TOP2A: variants seen among roughly 807,000 people sequenced by gnomAD.
TOP2A encodes DNA topoisomerase 2-alpha.
In TOP2A, 68 loss-of-function variants were observed where a neutral mutation model predicts 187.2. The ratio of observed to expected loss-of-function variants is 0.36; its 90% confidence interval spans 0.30 to 0.44. TOP2A has a LOEUF of 0.44. Ranked by LOEUF, TOP2A falls within the 20% of genes least tolerant of loss-of-function variation. The pLI is 1.00. For missense variants in TOP2A, 1,196 were observed against 1,808.7 expected, an observed-to-expected ratio of 0.66 and a Z score of 6.14; for synonymous variants, 542 against 593.2, an observed-to-expected ratio of 0.91 and a Z score of 1.25.
chr17:40,411,886 AG>A lies in TOP2A; in HGVS notation c.790-69del. 7.6e-7 allele frequency: 1 copy of A among 1,320,362 alleles called. No individual in the cohort carries two copies. The highest frequency in any genetic ancestry group is 1.0e-6 in the Non-Finnish European group (1 of 975,368). The allele number at this position is 1,320,362 out of a possible 1,614,324, so 81.8% of individuals were successfully genotyped here. ...AAAATAGGTTCAATGATAGACTATGAGGACTTTCCAAAACCAATGCAATGAT... is the reference window on the plus strand; with the variant it reads ...AAAATAGGTTCAATGATAGACTATGAGACTTTCCAAAACCAATGCAATGAT... On this transcript the variant is annotated intron_variant, in intron 7 of 34. Coordinates refer to ENST00000423485, the MANE Select transcript of TOP2A (RefSeq NM_001067.4). The surrounding 1 kb of genome is among the most constrained non-coding windows in gnomAD (Gnocchi z 4.4).
chr17:40,403,563 A>G (rs2035206462), intron 19 of TOP2A, among the ~76,000 whole-genome samples: 1 of 152,250 alleles, frequency 6.6e-6, no homozygotes. Context: ...TTAAAATTCT[A>G]GAAACCTGTA....
chr17:40,401,373 A>G (rs1235792294), intron 20 of TOP2A, among the ~76,000 whole-genome samples: 1 of 152,116 alleles, frequency 6.6e-6, no homozygotes, highest in African/African-American at 2.4e-5. Context: ...GGTGCTAAGG[A>G]AAGTTAAGCC....
rs1598605616 is a variant in TOP2A at position 40,388,615 on chromosome 17, A to G, written c.*904T>C. Reference sequence around the variant, plus strand: ...GTAAATATTTACAAAAACGTTGATAACATTACTCAAGTCACACACATATAA... The same window carrying G: ...GTAAATATTTACAAAAACGTTGATAGCATTACTCAAGTCACACACATATAA... On this transcript the variant is annotated 3_prime_UTR_variant, in exon 35 of 35. Transcript: ENST00000423485. The G allele has an allele frequency of 5.4e-6, 1 of 185,220 alleles. No homozygotes were observed. Among genetic ancestry groups the G allele is most frequent in the East Asian group, 8.8e-5 (1 of 11,398 alleles). 11.5% of individuals were successfully genotyped at this position (185,220 alleles called of 1,614,324 possible). A position where few individuals can be genotyped will look rare whatever the true frequency, so the allele number is the denominator to read the frequency against.
In TOP2A at chr17:40,389,089, A is replaced by G. The variant is rs1598605826; in HGVS notation, c.*430T>C. 1.3e-5 allele frequency: 3 copies of G among 222,658 alleles called. No homozygotes were observed. The East Asian group carries it at 2.0e-4, about 15-fold the overall frequency. 13.8% of individuals were successfully genotyped at this position (222,658 alleles called of 1,614,324 possible). A position where few individuals can be genotyped will look rare whatever the true frequency, so the allele number is the denominator to read the frequency against. On this transcript the variant is annotated 3_prime_UTR_variant, in exon 35 of 35. Coordinates refer to ENST00000423485, the MANE Select transcript of TOP2A (RefSeq NM_001067.4). ...ATGGTAAATTATGTATAAAACTAAG[A>G]TAAAACAGATAATTATGCTCTATCT...
chr17:40,400,761 T>C, intron 21 of TOP2A, 89 bp downstream of exon 21: 1 of 1,540,012 alleles, frequency 6.5e-7, no homozygotes, highest in Non-Finnish European at 8.8e-7. Flanking sequence ...TGAAATTAAA[T>C]TTTATGTTTG....
At chr17:40,413,327 T>C (rs2035346901) in intron 5 of TOP2A, 35 bp from the exon 6 acceptor site, 2 of 1,505,490 alleles carry the variant, frequency 1.3e-6, no homozygotes, top group Non-Finnish European at 1.8e-6. Context: ...ATTTTATTGT[T>C]ACTATCTCAT....
At position 40,413,394 on chromosome 17, in the gene TOP2A, C is replaced by T. The variant is rs540570807; in HGVS notation, c.478+86G>A. The stretch of plus-strand genomic sequence containing the variant: ...CTATTCAATTATAGAGATTTATTTC[C>T]ATATCTTTAACCCTCATGCCACAGA... On this transcript the variant is annotated intron_variant, in intron 5 of 34. Transcript: ENST00000423485. 2.5e-4 allele frequency: 349 copies of T among 1,396,436 alleles called. No homozygotes were observed. In the African/African-American group the frequency reaches 4.1e-3, roughly 16 times the overall value. The allele number at this position is 1,396,436 out of a possible 1,614,324, so 86.5% of individuals were successfully genotyped here. A position where few individuals can be genotyped will look rare whatever the true frequency, so the allele number is the denominator to read the frequency against.
In TOP2A at chr17:40,396,429, C is replaced by T. The variant is rs545265261; in HGVS notation, c.3574G>A (p.Gly1192Arg). The T allele has an allele frequency of 1.8e-5, 29 of 1,613,694 alleles. No individual in the cohort carries two copies. In the African/African-American group the frequency reaches 2.0e-4, roughly 11 times the overall value. Residue 1192 changes from glycine (G) to arginine (R), a missense_variant, in exon 28 of 35, where the codon GGA (glycine) becomes AGA (arginine). Physicochemically the swap from Gly to Arg is moderately radical, Grantham distance 125. Around this residue, in one of 10 missense-constraint regions of TOP2A, gnomAD observed 374 missense variants for 403.3 expected, o/e 0.93. Transcript: ENST00000423485. Reference sequence around the variant, plus strand: ...GCCTTCCCCCCTTTCCCAGGAAGTCCGACTTGTTCATCTTGTTTTTCCTTG... The same window carrying T: ...GCCTTCCCCCCTTTCCCAGGAAGTCTGACTTGTTCATCTTGTTTTTCCTTG... ...EAKEKQDEQV[G>R]LPGKGGKAKG... is the part of the protein sequence containing the mutation.
chr17:40,406,336 T>C (rs1382970700), intron 16 of TOP2A, 48 bp downstream of exon 16: 7 of 1,369,632 alleles, frequency 5.1e-6, no homozygotes, highest in Non-Finnish European at 6.1e-6. Context: ...CTGGCTAAAG[T>C]AGTGATTTCT....
chr17:40,404,096 G>T, intron 19 of TOP2A, 56 bp downstream of exon 19: 1 of 1,584,180 alleles, frequency 6.3e-7, no homozygotes, highest in South Asian at 1.2e-5. Flanking sequence ...TTTTGAGAAT[G>T]ACTCTGCAGG....
chr17:40,399,014 T>A (rs2035140184), intron 25 of TOP2A, 26 bp downstream of exon 25: 1 of 1,591,502 alleles, frequency 6.3e-7, no homozygotes, highest in Admixed American at 1.8e-5. Context: ...TCTTTAACAA[T>A]ATAGAAAAGT....
Position 40,417,816 on chromosome 17 carries a change from G to A in TOP2A, c.-25C>T, listed in dbSNP as rs759436998. ...TGGTGACGGTCGTGAAGGGGCTCAA[G>A]AACCCTGAAAGCGACTAAACAGGCA... is the stretch of plus-strand genomic sequence containing the variant. On this transcript the variant is annotated 5_prime_UTR_variant, in exon 1 of 35. Transcript: ENST00000423485. 5.6e-6 allele frequency: 9 copies of A among 1,613,282 alleles called. No homozygotes were observed. The highest frequency in any genetic ancestry group is 7.6e-6 in the Non-Finnish European group (9 of 1,179,794).
At chr17:40,393,980 T>G (rs568716437) in intron 29 of TOP2A, among the ~76,000 whole-genome samples, 1 of 149,300 alleles carries the variant, frequency 6.7e-6, no homozygotes, top group Non-Finnish European at 1.5e-5. Context: ...TGCCTGAACC[T>G]AGCAGGCGGA....
At position 40,406,706 on chromosome 17, in the gene TOP2A, T is replaced by C. The variant is rs763808117; in HGVS notation, c.1738-17A>G. Reference sequence around the variant, plus strand: ...TTTAGATACCTGTGATAAAAAACAATGACTGTGGCTTTGTACACTGTGGGG... The same window carrying C: ...TTTAGATACCTGTGATAAAAAACAACGACTGTGGCTTTGTACACTGTGGGG... On this transcript the variant is annotated splice_polypyrimidine_tract_variant and intron_variant, in intron 14 of 34. Transcript: ENST00000423485. The C allele has an allele frequency of 1.2e-6, 2 of 1,602,388 alleles. No individual in the cohort carries two copies. The highest frequency in any genetic ancestry group is 1.7e-6 in the Non-Finnish European group (2 of 1,170,738).
At chr17:40,396,650 G>A (rs1357343833) in intron 27 of TOP2A, among the ~76,000 whole-genome samples, 185 bp from the exon 28 acceptor site, 1 of 152,200 alleles carries the variant, frequency 6.6e-6, no homozygotes, top group Non-Finnish European at 1.5e-5. Flanking sequence ...AAAGGAAGGT[G>A]TGGAGACAGA....
At position 40,388,557 on chromosome 17, in the gene TOP2A, A is replaced by G; in HGVS notation, c.*962T>C. On this transcript the variant is annotated 3_prime_UTR_variant, in exon 35 of 35. Coordinates refer to ENST00000423485, the MANE Select transcript of TOP2A (RefSeq NM_001067.4). ...GTTTAGAACATTTTATTAAAGTACA[A>G]AATTGTTGGAATTTAGCTAATAGAA... 1 of 179,254 alleles carries G rather than the reference A, an allele frequency of 5.6e-6. No homozygotes were observed. Among genetic ancestry groups the G allele is most frequent in the Non-Finnish European group, 1.2e-5 (1 of 83,594 alleles). The allele number at this position is 179,254 out of a possible 1,614,324, so 11.1% of individuals were successfully genotyped here. A position where few individuals can be genotyped will look rare whatever the true frequency, so the allele number is the denominator to read the frequency against.
Position 40,403,710 on chromosome 17 carries a change from G to C in TOP2A, c.2283+442C>G, listed in dbSNP as rs556941749. Among the ~76,000 whole-genome samples, 96 of 152,302 alleles carry C rather than the reference G, an allele frequency of 6.3e-4. 1 individual carries two copies. Among genetic ancestry groups the C allele is most frequent in the Non-Finnish European group, 1.3e-3 (87 of 68,018 alleles). ...TCCAGTTCTCAGGGGTAACTAAAGT[G>C]AACAATTTGGAACATATCCTTGTAG... On this transcript the variant is annotated intron_variant, in intron 19 of 34. Transcript: ENST00000423485.
intron 25 of TOP2A, 41 bp downstream of exon 25, chr17:40,398,997 TAC>T: frequency 6.3e-7 from 1 of 1,590,944 alleles, no homozygotes; most frequent in Non-Finnish European, 8.6e-7. Context: ...CATTGTACAA[TAC>T]ATAGTCTTTA....
In TOP2A at chr17:40,396,414, C is replaced by CT; in HGVS notation, c.3588dup (p.Gly1197ArgfsTer13). On this transcript the variant is annotated frameshift_variant, in exon 28 of 35. Coordinates refer to ENST00000423485, the MANE Select transcript of TOP2A (RefSeq NM_001067.4). LOFTEE classifies it high-confidence loss of function. ...GTTTTTTTCCCCTTGGCCTTCCCCC[C>CT]TTTCCCAGGAAGTCCGACTTGTTCA... The CT allele has an allele frequency of 6.2e-7, 1 of 1,613,940 alleles. No individual in the cohort carries two copies.
Sources: allele counts gnomAD v4.1 joint callset (sites outside exome capture counted in the v4.1 genomes callset), GRCh38; gene constraint gnomAD v4.1.1; regional missense constraint gnomAD v4.1.1; non-coding constraint Gnocchi (gnomAD v3.1); transcripts MANE v1.5; gene names NCBI Gene and HGNC (gene_info 2026-07-23, HGNC 2026-07-21).